SRCIN1: variants seen among roughly 807,000 people sequenced by gnomAD.
The protein encoded by SRCIN1 is P130Cas-associated protein.
SRCIN1 carries 50 observed loss-of-function variants against 116.2 expected under a neutral mutation model. The ratio of observed to expected loss-of-function variants is 0.43; its 90% confidence interval spans 0.34 to 0.54. The LOEUF (loss-of-function observed/expected upper bound fraction) is 0.54, where lower values mean the gene tolerates loss of function less well. Ranked by LOEUF, SRCIN1 falls within the 20% of genes least tolerant of loss-of-function variation. The pLI is 0.02. For missense variants in SRCIN1, 1,446 were observed against 1,672.0 expected, an observed-to-expected ratio of 0.86 and a Z score of 2.36; for synonymous variants, 736 against 750.0, an observed-to-expected ratio of 0.98 and a Z score of 0.30.
Position 38,561,724 on chromosome 17 carries a change from T to C in SRCIN1, c.1439A>G (p.Asp480Gly), listed in dbSNP as rs774166153. Residue 480 changes from aspartate to glycine, a missense_variant, in exon 7 of 19, where the codon GAC becomes GGC. Physicochemically the swap from Asp to Gly is moderately conservative, Grantham distance 94. Transcript: ENST00000617146. ...LPPSSPQKLA[D>G]VAAPPGGPPP... ...GGGACCTCCGGGGGGTGCTGCCACGTCGGCCAGCTTCTGCGGTGACGAAGG... is the reference window on the plus strand; with the variant it reads ...GGGACCTCCGGGGGGTGCTGCCACGCCGGCCAGCTTCTGCGGTGACGAAGG... The C allele has an allele frequency of 6.6e-6, 10 of 1,525,092 alleles. No homozygotes were observed. The highest frequency in any genetic ancestry group is 2.8e-5 in the African/African-American group (2 of 71,154). The allele number at this position is 1,525,092 out of a possible 1,614,324, so 94.5% of individuals were successfully genotyped here. A position where few individuals can be genotyped will look rare whatever the true frequency, so the allele number is the denominator to read the frequency against.
At chr17:38,550,402 G>C (rs560603930) in intron 15 of SRCIN1, among the ~76,000 whole-genome samples, 1 of 152,168 alleles carries the variant, frequency 6.6e-6, no homozygotes, top group Non-Finnish European at 1.5e-5. Flanking sequence ...GCTGAGGCAG[G>C]AGAATGGCGA....
intron 2 of SRCIN1, among the ~76,000 whole-genome samples, chr17:38,573,172 G>A (rs911617963): frequency 2.6e-5 from 4 of 152,212 alleles, no homozygotes. Context: ...GCCTGGTGGA[G>A]GATCAGGGAG....
chr17:38,533,942 G>T (rs1202195812), intron 18 of SRCIN1, among the ~76,000 whole-genome samples: 1 of 151,836 alleles, frequency 6.6e-6, no homozygotes, highest in African/African-American at 2.4e-5. Flanking sequence ...TCCTCCCAGG[G>T]GGGAATAAAC....
intron 2 of SRCIN1, chr17:38,574,848 G>C (rs564740114): frequency 4.0e-5 from 16 of 400,896 alleles, no homozygotes; most frequent in South Asian, 2.5e-4. Flanking sequence ...CATGGGCTTG[G>C]GGGGTGGGGT....
chr17:38,573,079 GC>G (rs1907203525), intron 2 of SRCIN1, among the ~76,000 whole-genome samples: 1 of 152,220 alleles, frequency 6.6e-6, no homozygotes, highest in African/African-American at 2.4e-5. Flanking sequence ...CCTGGTGGAA[GC>G]CGGGGGAGGG....
At chr17:38,600,366 A>G (rs1259410395) in intron 1 of SRCIN1, among the ~76,000 whole-genome samples, 1 of 152,222 alleles carries the variant, frequency 6.6e-6, no homozygotes, top group Admixed American at 6.5e-5. Flanking sequence ...AGGTACGGGC[A>G]GGACTAGGGT....
At chr17:38,556,720 T>C (rs965998137) in intron 11 of SRCIN1, among the ~76,000 whole-genome samples, 4 of 152,152 alleles carry the variant, frequency 2.6e-5, no homozygotes, top group African/African-American at 9.7e-5. Context: ...GAAACAGTAA[T>C]GCAGGTCCCA....
rs1294590883 is a variant in SRCIN1 at position 38,563,139 on chromosome 17, G to A, written c.740+184C>T. 6.6e-6 allele frequency among the ~76,000 whole-genome samples: 1 copy of A among 152,210 alleles called. No homozygotes were observed. Among genetic ancestry groups the A allele is most frequent in the Admixed American group, 6.5e-5 (1 of 15,288 alleles). The stretch of plus-strand genomic sequence containing the variant: ...CAAAGCAAAGGGAACCAGCAGGGGT[G>A]GACGATTTAGGGGGTGGGGGCTGAG... On this transcript the variant is annotated intron_variant, in intron 5 of 18. Transcript: ENST00000617146. This position sits in a 1 kb window ranked among gnomAD's most constrained non-coding sequence, Gnocchi z 5.8.
At chr17:38,560,678 T>C (rs1906177509) in intron 7 of SRCIN1, among the ~76,000 whole-genome samples, 1 of 152,124 alleles carries the variant, frequency 6.6e-6, no homozygotes, top group African/African-American at 2.4e-5. Context: ...GCTCTGCCTT[T>C]CTCCTGACCC....
intron 1 of SRCIN1, among the ~76,000 whole-genome samples, chr17:38,600,285 T>G (rs938836139): frequency 6.6e-6 from 1 of 152,144 alleles, no homozygotes; most frequent in African/African-American, 2.4e-5. Context: ...GGTAGATATG[T>G]AGGTAAAAGC....
rs1906471151 is a variant in SRCIN1 at position 38,563,899 on chromosome 17, G to A, written c.541+219C>T. 8.1e-6 allele frequency: 5 copies of A among 616,168 alleles called. No individual in the cohort carries two copies. Among genetic ancestry groups the A allele is most frequent in the Non-Finnish European group, 1.4e-5 (5 of 350,080 alleles). 38.2% of individuals were successfully genotyped at this position (616,168 alleles called of 1,614,324 possible). ...AAGAAAGGGACAGAAAAGGAAGCAA[G>A]AGGGAGAGAGGAGGCTTGGAGGGAA... On this transcript the variant is annotated intron_variant, in intron 4 of 18. Transcript: ENST00000617146. The surrounding 1 kb of genome is among the most constrained non-coding windows in gnomAD (Gnocchi z 5.8).
intron 11 of SRCIN1, among the ~76,000 whole-genome samples, chr17:38,556,641 T>C (rs1012042608): frequency 3.9e-5 from 6 of 152,190 alleles, no homozygotes; most frequent in Admixed American, 1.3e-4. Flanking sequence ...ATGGCCAGGT[T>C]GGAGCCCAGT....
In SRCIN1 at chr17:38,558,184, AG is replaced by A; in HGVS notation, c.2201+42del. ...GGGAAACCAGGTTGCGGGTCACTCC[AG>A]CCGCACCCCCACCCCTCCCTCCGCC... is the stretch of plus-strand genomic sequence containing the variant. On this transcript the variant is annotated intron_variant, in intron 11 of 18. Coordinates refer to ENST00000617146, the MANE Select transcript of SRCIN1 (RefSeq NM_025248.3). This position sits in a 1 kb window ranked among gnomAD's most constrained non-coding sequence, Gnocchi z 4.6. The A allele has an allele frequency of 6.3e-7, 1 of 1,598,654 alleles. No individual in the cohort carries two copies. Among genetic ancestry groups the A allele is most frequent in the Non-Finnish European group, 8.5e-7 (1 of 1,171,064 alleles).
chr17:38,578,515 C>T lies in SRCIN1; in HGVS notation c.299G>A (p.Gly100Asp), dbSNP rs1405451196. Residue 100 changes from glycine (G) to aspartate (D), a missense_variant, in exon 2 of 19, where the codon GGC (glycine) becomes GAC (aspartate). This residue lies in a region of SRCIN1 where 246 missense variants were observed against 265.1 expected (regional missense o/e 0.93). Coordinates refer to ENST00000617146, the MANE Select transcript of SRCIN1 (RefSeq NM_025248.3). ...KYPQHALALR[G>D]QQDRMREQPN... ...CTGCTCTCGCATCCTGTCCTGCTGG[C>T]CTCGCAGGGCCAGGGCGTGCTGTGG... 2 of 1,592,512 alleles carry T rather than the reference C, an allele frequency of 1.3e-6. No homozygotes were observed. Among genetic ancestry groups the T allele is most frequent in the Non-Finnish European group, 1.7e-6 (2 of 1,162,864 alleles).
chr17:38,562,188 C>T lies in SRCIN1; in HGVS notation c.975G>A (p.Pro325=), dbSNP rs931260880. Residue 325 remains proline (P), a synonymous_variant, in exon 7 of 19, where the codon CCG becomes CCA. Transcript: ENST00000617146. The surrounding 1 kb of genome is among the most constrained non-coding windows in gnomAD (Gnocchi z 4.2). ...GLPSGLQSGS[P]SRSRLSYAGG... ...CGGCGTACGATAGGCGCGAACGCGACGGCGAACCGGACTGCAGCCCGGACG... is the reference window on the plus strand; with the variant it reads ...CGGCGTACGATAGGCGCGAACGCGATGGCGAACCGGACTGCAGCCCGGACG... The T allele has an allele frequency of 4.3e-6, 6 of 1,392,630 alleles. No homozygotes were observed. The South Asian group carries it at 4.8e-5, about 11-fold the overall frequency. 86.3% of individuals were successfully genotyped at this position (1,392,630 alleles called of 1,614,324 possible).
intron 1 of SRCIN1, among the ~76,000 whole-genome samples, chr17:38,599,628 A>T (rs1285268247): frequency 6.6e-6 from 1 of 152,118 alleles, no homozygotes; most frequent in Non-Finnish European, 1.5e-5. Flanking sequence ...GATTCCTCCT[A>T]CTACAGCGTG....
chr17:38,566,932 TC>T (rs1364851641), intron 3 of SRCIN1, among the ~76,000 whole-genome samples: 2 of 151,050 alleles, frequency 1.3e-5, no homozygotes, highest in Non-Finnish European at 2.9e-5. Context: ...TTTCTTTCCT[TC>T]TTTCTCTCTC....
chr17:38,564,134 G>A lies in SRCIN1; in HGVS notation c.525C>T (p.Thr175=). 6.2e-7 allele frequency: 1 copy of A among 1,600,310 alleles called. No individual in the cohort carries two copies. Among genetic ancestry groups the A allele is most frequent in the Non-Finnish European group, 8.5e-7 (1 of 1,174,292 alleles). ...SLPLSRSASQ[T]KLRSPGVLFL... is the part of the protein sequence containing the mutation. Reference sequence around the variant, plus strand: ...GGGCAGTACCTGGGGAGCGCAGCTTGGTCTGGCTGGCCGAGCGGGAGAGAG... The same window carrying A: ...GGGCAGTACCTGGGGAGCGCAGCTTAGTCTGGCTGGCCGAGCGGGAGAGAG... Residue 175 remains threonine, a synonymous_variant, in exon 4 of 19, where the codon ACC becomes ACT. Transcript: ENST00000617146.
intron 18 of SRCIN1, among the ~76,000 whole-genome samples, chr17:38,533,705 G>T (rs984254154): frequency 7.5e-6 from 1 of 133,292 alleles, no homozygotes; most frequent in Admixed American, 8.2e-5. Context: ...GAAGCAGAGC[G>T]ACCAGAGAAG....
Sources: gnomAD v4.1 joint callset for allele counts (sites outside exome capture counted in the v4.1 genomes callset) on GRCh38, gnomAD v4.1.1 for gene constraint, gnomAD v4.1.1 regional missense constraint, Gnocchi (gnomAD v3.1) non-coding constraint, MANE v1.5 for transcripts, NCBI Gene and HGNC (gene_info 2026-07-23, HGNC 2026-07-21) for gene names.